Variants in SIPA1L3 observed in about 807,000 individuals in gnomAD.
SIPA1L3 encodes the protein signal-induced proliferation-associated 1-like protein 3.
In SIPA1L3, 59 loss-of-function variants were observed where a neutral mutation model predicts 150.1. That is an observed-to-expected ratio of 0.39 (90% CI 0.32 to 0.49). SIPA1L3 has a LOEUF of 0.49. Ranked by LOEUF, SIPA1L3 falls within the 20% of genes least tolerant of loss-of-function variation. The pLI, the probability that SIPA1L3 is intolerant of heterozygous loss-of-function variation, is 0.86. For missense variants in SIPA1L3, 2,211 were observed against 2,489.5 expected (o/e 0.89, Z 2.38); for synonymous variants, 1,070 against 1,077.6 (o/e 0.99, Z 0.14).
chr19:38,192,069 C>G lies in SIPA1L3; in HGVS notation c.4431-76C>G, dbSNP rs1322489803. On this transcript the variant is annotated intron_variant, in intron 16 of 21. Coordinates refer to ENST00000222345, the MANE Select transcript of SIPA1L3 (RefSeq NM_015073.3). ...GCCATGCGTCCCGTGGTGGCCGGCC[C>G]TCTTGAATCCAAACAGCTTTGAAAA... The G allele has an allele frequency of 2.8e-6, 4 of 1,412,696 alleles. No homozygotes were observed. In the East Asian group the frequency reaches 9.7e-5, roughly 34 times the overall value. 87.5% of individuals were successfully genotyped at this position (1,412,696 alleles called of 1,614,324 possible).
chr19:38,183,344 A>AGG (rs1156893072), intron 16 of SIPA1L3, among the ~76,000 whole-genome samples: 2 of 138,500 alleles, frequency 1.4e-5, no homozygotes, highest in African/African-American at 5.3e-5. Context: ...GCGCAGACGA[A>AGG]GGGGCGGGAG....
chr19:38,174,404 C>T (rs1055113830), intron 15 of SIPA1L3, among the ~76,000 whole-genome samples: 8 of 152,274 alleles, frequency 5.3e-5, no homozygotes, highest in African/African-American at 1.9e-4. Flanking sequence ...GCTGGGGGCC[C>T]TCGGGGTATG....
intron 1 of SIPA1L3, among the ~76,000 whole-genome samples, chr19:37,994,034 A>T (rs1422896634): frequency 6.6e-6 from 1 of 152,110 alleles, no homozygotes; most frequent in African/African-American, 2.4e-5. Context: ...AGCTGGGACT[A>T]TAGGTGTGCA....
chr19:38,052,420 G>A (rs1252844190), intron 2 of SIPA1L3, among the ~76,000 whole-genome samples: 1 of 152,228 alleles, frequency 6.6e-6, no homozygotes, highest in Admixed American at 6.5e-5. Flanking sequence ...GCAGTGTTGG[G>A]CGGAGGCCTC....
intron 2 of SIPA1L3, among the ~76,000 whole-genome samples, chr19:38,029,901 C>G (rs528837674): frequency 1.3e-5 from 2 of 150,160 alleles, no homozygotes; most frequent in East Asian, 3.9e-4. Flanking sequence ...GTCACCCAGG[C>G]TGGAGTGCAG....
intron 1 of SIPA1L3, among the ~76,000 whole-genome samples, chr19:37,917,992 A>G (rs563500872): frequency 2.0e-5 from 3 of 151,834 alleles, no homozygotes; most frequent in South Asian, 2.1e-4. Context: ...GTGACGGAGA[A>G]AGACCCTGTC....
chr19:38,003,127 G>A (rs1014717497), intron 1 of SIPA1L3, among the ~76,000 whole-genome samples: 3 of 152,156 alleles, frequency 2.0e-5, no homozygotes, highest in Admixed American at 6.5e-5. Context: ...GCAACAGAGT[G>A]AGATTCCATC....
At chr19:37,990,558 G>C (rs1441641448) in intron 1 of SIPA1L3, among the ~76,000 whole-genome samples, 3 of 152,206 alleles carry the variant, frequency 2.0e-5, no homozygotes, top group Non-Finnish European at 4.4e-5. Flanking sequence ...ATAACTGCAG[G>C]TGGACGATGA....
At chr19:38,017,448 A>G (rs919291508) in intron 1 of SIPA1L3, among the ~76,000 whole-genome samples, 8 of 151,502 alleles carry the variant, frequency 5.3e-5, no homozygotes, top group Non-Finnish European at 8.8e-5. Context: ...GCCTAAACAA[A>G]TCTTCACCAG....
intron 1 of SIPA1L3, among the ~76,000 whole-genome samples, chr19:37,953,171 T>C (rs1471060065): frequency 6.6e-6 from 1 of 152,152 alleles, no homozygotes; most frequent in Non-Finnish European, 1.5e-5. Context: ...TACAATCCTA[T>C]CCATAGAGGG....
At chr19:38,158,729 G>T (rs1226880581) in intron 13 of SIPA1L3, among the ~76,000 whole-genome samples, 1 of 152,236 alleles carries the variant, frequency 6.6e-6, no homozygotes, top group Non-Finnish European at 1.5e-5. Flanking sequence ...GAGAAGTCAA[G>T]GATGCCACAG....
chr19:38,082,556 A>C lies in SIPA1L3; in HGVS notation c.991A>C (p.Ser331Arg). The C allele has an allele frequency of 6.2e-7, 1 of 1,602,120 alleles. No individual in the cohort carries two copies. The highest frequency in any genetic ancestry group is 8.5e-7 in the Non-Finnish European group (1 of 1,176,630). Residue 331 changes from serine to arginine, a missense_variant, in exon 3 of 22, where the codon AGC becomes CGC. Around this residue, in one of 5 missense-constraint regions of SIPA1L3, gnomAD observed 587 missense variants for 534.5 expected, o/e 1.10. Coordinates refer to ENST00000222345, the MANE Select transcript of SIPA1L3 (RefSeq NM_015073.3). ...ADEGRSPPEA[S>R]RPWVCQKSFA... ...CGAGGGCCGGAGCCCCCCGGAAGCCAGCAGGCCGTGGGTGTGTCAGAAGAG... is the reference window on the plus strand; with the variant it reads ...CGAGGGCCGGAGCCCCCCGGAAGCCCGCAGGCCGTGGGTGTGTCAGAAGAG...
chr19:38,082,690 T>C lies in SIPA1L3; in HGVS notation c.1125T>C (p.Ala375=). The part of the protein sequence containing the change: ...RRNTTTGASA[A]SAASAMASLT... Reference sequence around the variant, plus strand: ...ACACCACCACGGGTGCTTCGGCCGCTTCCGCCGCCTCGGCCATGGCCTCCC... The same window carrying C: ...ACACCACCACGGGTGCTTCGGCCGCCTCCGCCGCCTCGGCCATGGCCTCCC... Residue 375 remains alanine, a synonymous_variant, in exon 3 of 22, where the codon GCT becomes GCC. Coordinates refer to ENST00000222345, the MANE Select transcript of SIPA1L3 (RefSeq NM_015073.3). The C allele has an allele frequency of 6.2e-7, 1 of 1,609,596 alleles. No homozygotes were observed. Among genetic ancestry groups the C allele is most frequent in the Non-Finnish European group, 8.5e-7 (1 of 1,178,920 alleles).
In SIPA1L3 at chr19:38,047,921, C is replaced by T. The variant is rs1450288305; in HGVS notation, c.-311+18765C>T. 1.3e-5 allele frequency among the ~76,000 whole-genome samples: 2 copies of T among 152,176 alleles called. No individual in the cohort carries two copies. The highest frequency in any genetic ancestry group is 4.8e-5 in the African/African-American group (2 of 41,428). On this transcript the variant is annotated intron_variant, in intron 2 of 21. Coordinates refer to ENST00000222345, the MANE Select transcript of SIPA1L3 (RefSeq NM_015073.3). This position sits in a 1 kb window ranked among gnomAD's most constrained non-coding sequence, Gnocchi z 4.7. ...CCCCCTGCCGTCATCAGGAGAAATA[C>T]AACATGGGAAACCGGCGGTAACTCC...
At chr19:37,927,885 T>C (rs2046520619) in intron 1 of SIPA1L3, among the ~76,000 whole-genome samples, 1 of 152,178 alleles carries the variant, frequency 6.6e-6, no homozygotes, top group Non-Finnish European at 1.5e-5. Flanking sequence ...TTCATTCTTG[T>C]TTAATGGCTG....
intron 12 of SIPA1L3, among the ~76,000 whole-genome samples, chr19:38,146,449 A>T (rs913533058): frequency 1.3e-5 from 2 of 152,180 alleles, no homozygotes; most frequent in Non-Finnish European, 2.9e-5. Context: ...AATATATTTT[A>T]AAAAGATTTA....
At chr19:37,961,216 C>T (rs1187733416) in intron 1 of SIPA1L3, among the ~76,000 whole-genome samples, 1 of 149,714 alleles carries the variant, frequency 6.7e-6, no homozygotes, top group South Asian at 2.1e-4. Flanking sequence ...ATGGGGATCT[C>T]GCTGTGTTGC....
chr19:38,147,493 G>A (rs780634887), intron 12 of SIPA1L3, among the ~76,000 whole-genome samples: 13 of 151,780 alleles, frequency 8.6e-5, no homozygotes, highest in Non-Finnish European at 1.6e-4. Context: ...TTTTTTTCTG[G>A]AAGTTTTACT....
Position 38,141,391 on chromosome 19 carries a change from C to T in SIPA1L3, c.3351C>T (p.Thr1117=). The T allele has an allele frequency of 6.2e-7, 1 of 1,613,208 alleles. No individual in the cohort carries two copies. Residue 1117 remains threonine, a synonymous_variant, in exon 11 of 22, where the codon ACC becomes ACT. Transcript: ENST00000222345. ...CCCTGAGCCGGCCCCTGAAGCAGAC[C>T]CCCATAGTCCCCTTCCGGGAGTCCC... The part of the protein sequence containing the change: ...AQSLSRPLKQ[T]PIVPFRESQP...
Sources: gnomAD v4.1 joint callset for allele counts (sites outside exome capture counted in the v4.1 genomes callset) on GRCh38, gnomAD v4.1.1 for gene constraint, gnomAD v4.1.1 regional missense constraint, Gnocchi (gnomAD v3.1) non-coding constraint, MANE v1.5 for transcripts, NCBI Gene and HGNC (gene_info 2026-07-23, HGNC 2026-07-21) for gene names.